DMC1: variants seen among roughly 807,000 people sequenced by gnomAD.
DMC1 encodes the protein DNA meiotic recombinase 1.
DMC1 carries 27 observed loss-of-function variants against 50.1 expected under a neutral mutation model. That is an observed-to-expected ratio of 0.54 (90% CI 0.40 to 0.74). The LOEUF is 0.74. DMC1 is among the 30% of genes least tolerant of loss of function. The pLI is 0.00. For synonymous variants in DMC1, 148 were observed against 136.1 expected, an observed-to-expected ratio of 1.09 and a Z score of -0.61; for missense variants, 295 against 420.2, an observed-to-expected ratio of 0.70 and a Z score of 2.60.
chr22:38,561,741 T>C (rs2090529730), intron 5 of DMC1, among the ~76,000 whole-genome samples: 1 of 152,206 alleles, frequency 6.6e-6, no homozygotes, highest in Non-Finnish European at 1.5e-5. Context: ...TTGTTCTAAA[T>C]GCTCTTGGGC....
At chr22:38,529,342 C>G (rs1452795655) in intron 12 of DMC1, among the ~76,000 whole-genome samples, 2 of 152,146 alleles carry the variant, frequency 1.3e-5, no homozygotes, top group Admixed American at 1.3e-4. Flanking sequence ...GTAAAAACAG[C>G]TTCAGAAAAC....
At chr22:38,547,996 G>A (rs1243758869) in intron 8 of DMC1, among the ~76,000 whole-genome samples, 2 of 152,198 alleles carry the variant, frequency 1.3e-5, no homozygotes, top group Admixed American at 1.3e-4. Context: ...ATCCGTGTGT[G>A]TGTAACATTG....
At chr22:38,567,689 T>C in intron 2 of DMC1, 62 bp from the exon 3 acceptor site, 1 of 1,268,810 alleles carries the variant, frequency 7.9e-7, no homozygotes, top group Non-Finnish European at 1.2e-6. Context: ...ATTTCACATC[T>C]TTTAAAGAGG....
chr22:38,556,410 T>C (rs1057438956), intron 5 of DMC1, among the ~76,000 whole-genome samples: 3 of 152,138 alleles, frequency 2.0e-5, no homozygotes, highest in Non-Finnish European at 4.4e-5. Flanking sequence ...TTTAATATAC[T>C]GAAAAACATA....
chr22:38,516,290 C>T (rs2089976021), downstream of DMC1, among the ~76,000 whole-genome samples: 1 of 152,152 alleles, frequency 6.6e-6, no homozygotes, highest in African/African-American at 2.4e-5. Flanking sequence ...TAGCCAGATG[C>T]CATATTGAAA....
In DMC1 at chr22:38,530,854, G is replaced by A. The variant is rs539041725; in HGVS notation, c.836+6738C>T. Among the ~76,000 whole-genome samples the A allele has an allele frequency of 5.3e-4, 80 of 152,244 alleles. 1 individual carries two copies. The South Asian group carries it at 0.016, about 30-fold the overall frequency. On this transcript the variant is annotated intron_variant, in intron 12 of 13. Coordinates refer to ENST00000216024, the MANE Select transcript of DMC1 (RefSeq NM_007068.4). ...GGAGGCTGAGGTGGGCGGATCGCCC[G>A]AGGTCAGGAGTTCAAGACCAGCCTG...
intron 8 of DMC1, among the ~76,000 whole-genome samples, chr22:38,547,819 G>A (rs187655211): frequency 1.3e-5 from 2 of 152,330 alleles, no homozygotes; most frequent in East Asian, 1.9e-4. Flanking sequence ...GATTACAGGC[G>A]TGAGCCACGG....
chr22:38,513,393 T>C, the DMC1 span, among the ~76,000 whole-genome samples: 3 of 152,154 alleles, frequency 2.0e-5, no homozygotes, highest in Non-Finnish European at 4.4e-5. Flanking sequence ...AAAACAAGTG[T>C]TATTATGATG....
chr22:38,563,526 GTC>G (rs367943861), intron 4 of DMC1, among the ~76,000 whole-genome samples: 1 of 150,522 alleles, frequency 6.6e-6, no homozygotes, highest in Non-Finnish European at 1.5e-5. Flanking sequence ...CTCTCTCTCT[GTC>G]TCTCTCTCTC....
At chr22:38,528,889 T>C (rs1049153718) in intron 12 of DMC1, among the ~76,000 whole-genome samples, 1 of 152,242 alleles carries the variant, frequency 6.6e-6, no homozygotes, top group Non-Finnish European at 1.5e-5. Context: ...AAACTTTTCT[T>C]AAAGTTTCTT....
intron 8 of DMC1, among the ~76,000 whole-genome samples, chr22:38,548,446 G>A (rs141931464): frequency 1.3e-5 from 2 of 152,150 alleles, no homozygotes; most frequent in South Asian, 2.1e-4. Flanking sequence ...GTGGTGGTAT[G>A]TGCCTGTAGT....
chr22:38,533,679 A>G (rs1246834291), intron 12 of DMC1, among the ~76,000 whole-genome samples: 2 of 152,224 alleles, frequency 1.3e-5, no homozygotes, highest in Non-Finnish European at 2.9e-5. Flanking sequence ...TAATTAATTT[A>G]GGCAAGAATC....
the DMC1 span, among the ~76,000 whole-genome samples, chr22:38,510,640 C>T: frequency 2.0e-5 from 3 of 152,194 alleles, no homozygotes; most frequent in Non-Finnish European, 4.4e-5. Flanking sequence ...TTTCCTTCCT[C>T]CCCGCAAAAT....
rs1346297378 is a variant in DMC1 at position 38,519,363 on chromosome 22, T to A, written c.*657A>T. On this transcript the variant is annotated 3_prime_UTR_variant, in exon 14 of 14. Coordinates refer to ENST00000216024, the MANE Select transcript of DMC1 (RefSeq NM_007068.4). ...AGGTGTGAGCCACCACGCCCAGCCA[T>A]AAATACATTTTTTAAAAGTAATTTC... The A allele has an allele frequency of 6.5e-6, 1 of 152,886 alleles. No individual in the cohort carries two copies. The highest frequency in any genetic ancestry group is 1.9e-4 in the East Asian group (1 of 5,218). 9.5% of individuals were successfully genotyped at this position (152,886 alleles called of 1,614,324 possible).
chr22:38,554,913 C>T (rs1268378859), intron 6 of DMC1, among the ~76,000 whole-genome samples: 1 of 152,054 alleles, frequency 6.6e-6, no homozygotes, highest in Non-Finnish European at 1.5e-5. Context: ...GAAACCCCGT[C>T]TCCACTAAAA....
intron 6 of DMC1, among the ~76,000 whole-genome samples, chr22:38,554,210 G>C (rs944134390): frequency 1.3e-5 from 2 of 151,966 alleles, no homozygotes. Flanking sequence ...ACTGAACTGA[G>C]GTCCTTAAAG....
chr22:38,537,796 C>T, intron 11 of DMC1, 144 bp from the exon 12 acceptor site: 1 of 659,920 alleles, frequency 1.5e-6, no homozygotes, highest in Admixed American at 2.7e-5. Context: ...TCATTGACAA[C>T]AGAAATTATT....
downstream of DMC1, among the ~76,000 whole-genome samples, chr22:38,517,306 C>T (rs1050947182): frequency 4.3e-4 from 66 of 152,154 alleles, no homozygotes; most frequent in African/African-American, 1.4e-3. Flanking sequence ...TGGTGGCTCA[C>T]GCCTGTAATC....
chr22:38,551,084 TA>T (rs1369406249), intron 7 of DMC1, among the ~76,000 whole-genome samples: 1 of 143,390 alleles, frequency 7.0e-6, no homozygotes, highest in Non-Finnish European at 1.5e-5. Context: ...CTACTGAAAA[TA>T]CAAAAAACAA....
Sources: allele counts gnomAD v4.1 joint callset (sites outside exome capture counted in the v4.1 genomes callset), GRCh38; gene constraint gnomAD v4.1.1; transcripts MANE v1.5; gene names NCBI Gene and HGNC (gene_info 2026-07-23, HGNC 2026-07-21).